UGGT1: variants seen among roughly 807,000 people sequenced by gnomAD.
UGGT1 encodes the protein UDP-glucose glycoprotein glucosyltransferase 1.
In UGGT1, 107 loss-of-function variants were observed where a neutral mutation model predicts 203.9. The observed-to-expected ratio is 0.52, with a 90% CI of 0.45 to 0.62. The LOEUF is 0.62. Among genes scored for constraint, UGGT1 ranks in the 20% least tolerant of loss-of-function variants. The probability of loss-of-function intolerance (pLI) is 0.00; values close to 1 mark genes in which losing one functional copy is unlikely to be tolerated. For missense variants in UGGT1, 1,673 were observed against 1,867.2 expected (o/e 0.90, Z 1.92); for synonymous variants, 628 against 653.5 (o/e 0.96, Z 0.59).
chr2:128,123,078 A>G, intron 10 of UGGT1, 108 bp from the exon 11 acceptor site: 1 of 751,456 alleles, frequency 1.3e-6, no homozygotes, highest in South Asian at 2.8e-5. Context: ...TTTCCCATTC[A>G]GTTTTTTCTA....
At position 128,190,988 on chromosome 2, in the gene UGGT1, C is replaced by G. The variant is rs1365505533; in HGVS notation, c.*1246C>G. ...AGCCAGTGTTGCCCCTCAGGGCATA[C>G]TTTGCTGGTGAACGGGCTGTAGAGT... On this transcript the variant is annotated 3_prime_UTR_variant, in exon 41 of 41. Transcript: ENST00000259253. 3 of 152,284 alleles carry G rather than the reference C, an allele frequency of 2.0e-5. No individual in the cohort carries two copies. Among genetic ancestry groups the G allele is most frequent in the Non-Finnish European group, 4.4e-5 (3 of 68,088 alleles). The allele number at this position is 152,284 out of a possible 1,614,324, so 9.4% of individuals were successfully genotyped here. A position where few individuals can be genotyped will look rare whatever the true frequency, so the allele number is the denominator to read the frequency against.
intron 40 of UGGT1, 94 bp downstream of exon 40, chr2:128,187,708 G>A: frequency 7.6e-7 from 1 of 1,324,494 alleles, no homozygotes; most frequent in South Asian, 1.8e-5. Context: ...AAAAGGAAGA[G>A]AAAAATCTCC....
chr2:128,133,362 T>G (rs1688976133), intron 14 of UGGT1, 102 bp downstream of exon 14: 3 of 1,445,302 alleles, frequency 2.1e-6, no homozygotes, highest in Admixed American at 3.5e-5. Context: ...TACTAGCTGC[T>G]TCCTCCCCCA....
chr2:128,117,518 T>C (rs1292805768), intron 8 of UGGT1, among the ~76,000 whole-genome samples: 1 of 151,762 alleles, frequency 6.6e-6, no homozygotes, highest in Non-Finnish European at 1.5e-5. Flanking sequence ...TAGTATTTTA[T>C]AGCTGGAAAG....
intron 25 of UGGT1, among the ~76,000 whole-genome samples, chr2:128,164,449 C>T (rs1161003635): frequency 2.6e-5 from 4 of 152,132 alleles, no homozygotes; most frequent in African/African-American, 9.7e-5. Context: ...ATACTGACAG[C>T]CTGTAATGGG....
intron 8 of UGGT1, among the ~76,000 whole-genome samples, chr2:128,119,497 G>A (rs543973254): frequency 7.2e-5 from 11 of 152,104 alleles, no homozygotes; most frequent in South Asian, 4.2e-4. Context: ...TGTACTAGCC[G>A]TCTGTCTGAT....
At chr2:128,156,672 A>T (rs1302436446) in intron 21 of UGGT1, among the ~76,000 whole-genome samples, 1 of 149,898 alleles carries the variant, frequency 6.7e-6, no homozygotes, top group African/African-American at 2.5e-5. Context: ...ATTTCAAGTG[A>T]TTCTCCTGCC....
chr2:128,110,081 A>G (rs1687776417), intron 5 of UGGT1, among the ~76,000 whole-genome samples: 1 of 152,216 alleles, frequency 6.6e-6, no homozygotes, highest in Admixed American at 6.5e-5. Context: ...TATTAAAGCC[A>G]ATGCCTGAAA....
chr2:128,107,875 A>G (rs1337046415), intron 3 of UGGT1, 63 bp from the exon 4 acceptor site: 4 of 1,602,992 alleles, frequency 2.5e-6, no homozygotes, highest in Non-Finnish European at 3.4e-6. Flanking sequence ...TGCTTCATGA[A>G]CTATCTTCTT....
chr2:128,120,870 G>C (rs1008742971), intron 9 of UGGT1, among the ~76,000 whole-genome samples: 3 of 152,128 alleles, frequency 2.0e-5, no homozygotes, highest in Non-Finnish European at 4.4e-5. Flanking sequence ...TTTACTAAAA[G>C]TCTTCATGCT....
At chr2:128,117,241 C>G (rs952640852) in intron 8 of UGGT1, among the ~76,000 whole-genome samples, 1 of 151,994 alleles carries the variant, frequency 6.6e-6, no homozygotes, top group Non-Finnish European at 1.5e-5. Context: ...AGGCACCCAT[C>G]ACCATGCCTG....
chr2:128,142,507 C>T lies in UGGT1; in HGVS notation c.1720-587C>T, dbSNP rs376779787. Among the ~76,000 whole-genome samples the T allele has an allele frequency of 2.7e-3, 402 of 150,022 alleles. 3 individuals carry two copies. Among genetic ancestry groups the T allele is most frequent in the African/African-American group, 9.3e-3 (382 of 40,932 alleles). ...GGCTGAGGCAGGAGAAGCGCTTGAA[C>T]CTGGGAGGTAGAGGTTGTAGTGAGC... On this transcript the variant is annotated intron_variant, in intron 16 of 40. Transcript: ENST00000259253.
At chr2:128,187,080 T>C (rs558653860) in intron 39 of UGGT1, among the ~76,000 whole-genome samples, 1 of 152,292 alleles carries the variant, frequency 6.6e-6, no homozygotes, top group East Asian at 1.9e-4. Context: ...ATTCTTATCT[T>C]ATAGAATATT....
rs190841062 is a variant in UGGT1, at chr2:128,094,181, A to G, written c.58+2766A>G. Among the ~76,000 whole-genome samples, 5 of 152,226 alleles carry G rather than the reference A, an allele frequency of 3.3e-5. No individual in the cohort carries two copies. The South Asian group carries it at 8.3e-4, about 25-fold the overall frequency. On this transcript the variant is annotated intron_variant, in intron 1 of 40. Transcript: ENST00000259253. ...TCAGGACAAATTGTAAACATAGCTAATAGCGTAATACTGCTAGACAGTTCA... is the reference window on the plus strand; with the variant it reads ...TCAGGACAAATTGTAAACATAGCTAGTAGCGTAATACTGCTAGACAGTTCA...
At chr2:128,147,351 T>G (rs1006029237) in intron 18 of UGGT1, among the ~76,000 whole-genome samples, 3 of 152,342 alleles carry the variant, frequency 2.0e-5, no homozygotes, top group Middle Eastern at 6.8e-3. Flanking sequence ...TAATTTCCTT[T>G]GGTTTATAGA....
intron 37 of UGGT1, among the ~76,000 whole-genome samples, chr2:128,182,926 TTAC>T: frequency 6.6e-6 from 1 of 150,624 alleles, no homozygotes; most frequent in African/African-American, 2.4e-5. Context: ...TTTTTTTTTT[TTAC>T]TTAATGTCAT....
chr2:128,176,001 T>G (rs1691350845), intron 31 of UGGT1, among the ~76,000 whole-genome samples: 1 of 152,266 alleles, frequency 6.6e-6, no homozygotes, highest in Admixed American at 6.5e-5. Flanking sequence ...TAGAATTTGT[T>G]ACAGTTTTTC....
chr2:128,105,426 G>A (rs1366846091), intron 3 of UGGT1, among the ~76,000 whole-genome samples: 1 of 151,568 alleles, frequency 6.6e-6, no homozygotes, highest in East Asian at 1.9e-4. Context: ...CGATCCTCCT[G>A]CCTTGGCATT....
intron 3 of UGGT1, among the ~76,000 whole-genome samples, chr2:128,106,479 G>A (rs777624358): frequency 7.9e-5 from 12 of 152,126 alleles, no homozygotes; most frequent in Non-Finnish European, 1.8e-4. Context: ...TTACGTAGAG[G>A]ATGCTGTTGC....
Sources: gnomAD v4.1 joint callset for allele counts (sites outside exome capture counted in the v4.1 genomes callset) on GRCh38, gnomAD v4.1.1 for gene constraint, MANE v1.5 for transcripts, NCBI Gene and HGNC (gene_info 2026-07-23, HGNC 2026-07-21) for gene names.